The following PCCA variants were observed in gnomAD, a reference collection of about 807,000 sequenced individuals.
The protein encoded by PCCA is propionyl-CoA carboxylase subunit alpha.
Under a neutral mutation model 101.3 loss-of-function variants are expected in PCCA, and 74 were observed. The ratio of observed to expected loss-of-function variants is 0.73; its 90% CI spans 0.61 to 0.89. The LOEUF (loss-of-function observed/expected upper bound fraction) is 0.89. Ranked by LOEUF, PCCA falls within the 40% of genes least tolerant of loss-of-function variation. PCCA has a pLI of 0.00. For missense variants in PCCA, 891 were observed against 907.0 expected, an observed-to-expected ratio of 0.98 and a Z score of 0.23; for synonymous variants, 294 against 313.6, an observed-to-expected ratio of 0.94 and a Z score of 0.66.
intron 6 of PCCA, among the ~76,000 whole-genome samples, chr13:100,205,148 A>C (rs2058775110): frequency 6.6e-6 from 1 of 152,314 alleles, no homozygotes; most frequent in South Asian, 2.1e-4. Context: ...GGAAACTGAT[A>C]ATTAGATGGA....
chr13:100,234,733 C>G (rs1310237468), intron 7 of PCCA, among the ~76,000 whole-genome samples: 1 of 151,196 alleles, frequency 6.6e-6, no homozygotes, highest in Non-Finnish European at 1.5e-5. Context: ...CATGGTTGCT[C>G]TACATTTTAA....
At chr13:100,194,230 C>T (rs2057945947) in intron 6 of PCCA, among the ~76,000 whole-genome samples, 1 of 152,076 alleles carries the variant, frequency 6.6e-6, no homozygotes, top group East Asian at 1.9e-4. Flanking sequence ...AACTATATGA[C>T]TCTTATTTCT....
At chr13:100,184,432 A>T (rs191827820) in intron 6 of PCCA, among the ~76,000 whole-genome samples, 1 of 152,236 alleles carries the variant, frequency 6.6e-6, no homozygotes, top group African/African-American at 2.4e-5. Context: ...GCAGATATTT[A>T]TAAATACAGA....
chr13:100,268,492 A>T, intron 10 of PCCA, 197 bp from the exon 11 acceptor site: 2 of 643,660 alleles, frequency 3.1e-6, no homozygotes, highest in South Asian at 3.4e-5. Context: ...TTTTTGATAA[A>T]AATGTTTTAT....
At chr13:100,412,298 G>A (rs560367758) in intron 19 of PCCA, among the ~76,000 whole-genome samples, 3 of 152,234 alleles carry the variant, frequency 2.0e-5, no homozygotes, top group South Asian at 2.1e-4. Context: ...GAATAAATGC[G>A]GAAGTATTAA....
intron 16 of PCCA, among the ~76,000 whole-genome samples, chr13:100,312,892 C>T (rs1478050900): frequency 6.6e-6 from 1 of 152,120 alleles, no homozygotes; most frequent in African/African-American, 2.4e-5. Context: ...AAGGTGTGGA[C>T]ATCTACATAT....
intron 19 of PCCA, among the ~76,000 whole-genome samples, chr13:100,376,734 G>T (rs2075926430): frequency 6.6e-6 from 1 of 152,206 alleles, no homozygotes; most frequent in South Asian, 2.1e-4. Flanking sequence ...ATCTTAGCTT[G>T]CTGGGCTCCG....
intron 20 of PCCA, among the ~76,000 whole-genome samples, chr13:100,440,221 A>C (rs1487259129): frequency 7.5e-6 from 1 of 133,206 alleles, no homozygotes; most frequent in Admixed American, 8.2e-5. Context: ...AAACGTGATA[A>C]CTTAAAATGC....
chr13:100,377,879 C>A (rs1342565029), intron 19 of PCCA, among the ~76,000 whole-genome samples: 3 of 148,040 alleles, frequency 2.0e-5, no homozygotes, highest in Admixed American at 1.3e-4. Flanking sequence ...CCTGTCATAT[C>A]ATTAATTGCT....
intron 4 of PCCA, among the ~76,000 whole-genome samples, chr13:100,123,742 C>T (rs1040725114): frequency 6.6e-6 from 1 of 152,050 alleles, no homozygotes. Context: ...CATTGTAAGT[C>T]AGCAAGAAGA....
chr13:100,468,011 C>T (rs2152951649), intron 21 of PCCA, among the ~76,000 whole-genome samples: 1 of 152,320 alleles, frequency 6.6e-6, no homozygotes, highest in African/African-American at 2.4e-5. Flanking sequence ...GATCCATGGG[C>T]TGCGGAATGG....
At chr13:100,143,625 G>C (rs1352401050) in intron 4 of PCCA, among the ~76,000 whole-genome samples, 3 of 151,878 alleles carry the variant, frequency 2.0e-5, no homozygotes, top group East Asian at 3.9e-4. Flanking sequence ...TGTTTCTTGA[G>C]CTCCTTCAAA....
intron 19 of PCCA, among the ~76,000 whole-genome samples, chr13:100,378,138 T>C (rs990790449): frequency 6.6e-6 from 1 of 152,208 alleles, no homozygotes; most frequent in African/African-American, 2.4e-5. Flanking sequence ...ACTGGTCAAA[T>C]TCGGCGTTTG....
intron 17 of PCCA, among the ~76,000 whole-genome samples, chr13:100,335,394 C>T (rs749209517): frequency 4.6e-5 from 7 of 152,174 alleles, no homozygotes; most frequent in Non-Finnish European, 8.8e-5. Flanking sequence ...TGATTCTTAA[C>T]TGACTTAGTA....
intron 15 of PCCA, 146 bp from the exon 16 acceptor site, chr13:100,309,687 G>A: frequency 1.8e-6 from 1 of 550,990 alleles, no homozygotes; most frequent in Non-Finnish European, 3.2e-6. Context: ...AATCATAATT[G>A]ACATGTATTG....
intron 6 of PCCA, among the ~76,000 whole-genome samples, chr13:100,179,429 C>T (rs2056568316): frequency 6.6e-6 from 1 of 152,096 alleles, no homozygotes; most frequent in Non-Finnish European, 1.5e-5. Flanking sequence ...TAATCTGCCA[C>T]TTTTTTGCCC....
At chr13:100,524,047 G>A (rs1293105766) in intron 22 of PCCA, among the ~76,000 whole-genome samples, 1 of 152,216 alleles carries the variant, frequency 6.6e-6, no homozygotes, top group Non-Finnish European at 1.5e-5. Context: ...TGGGCCCACT[G>A]CCCAGCTCCC....
chr13:100,430,395 G>A (rs1335095184), intron 20 of PCCA, among the ~76,000 whole-genome samples: 5 of 152,252 alleles, frequency 3.3e-5, no homozygotes, highest in Non-Finnish European at 7.3e-5. Context: ...TCACTACCTT[G>A]CTTTTCTTTA....
intron 22 of PCCA, among the ~76,000 whole-genome samples, chr13:100,521,552 A>T (rs1247051864): frequency 6.6e-6 from 1 of 152,202 alleles, no homozygotes; most frequent in Non-Finnish European, 1.5e-5. Flanking sequence ...TTGGGATGTG[A>T]ATACACGTTT....
Sources: gnomAD v4.1 joint callset for allele counts (sites outside exome capture counted in the v4.1 genomes callset) on GRCh38, gnomAD v4.1.1 for gene constraint, MANE v1.5 for transcripts, NCBI Gene and HGNC (gene_info 2026-07-23, HGNC 2026-07-21) for gene names.